Variants in ZC3H15 observed in about 807,000 individuals in gnomAD.
ZC3H15 encodes the protein zinc finger CCCH domain-containing protein 15.
A neutral mutation model predicts 51.2 loss-of-function variants in ZC3H15; 15 were observed. The observed-to-expected ratio is 0.29, with a 90% CI of 0.20 to 0.45. The LOEUF (loss-of-function observed/expected upper bound fraction) is 0.45. ZC3H15 is among the 20% of genes least tolerant of loss of function. The pLI is 1.00. For missense variants in ZC3H15, 381 were observed against 494.7 expected (o/e 0.77, Z 2.18); for synonymous variants, 144 against 162.8 (o/e 0.88, Z 0.88).
chr2:186,499,918 T>C (rs1472444520), intron 2 of ZC3H15, among the ~76,000 whole-genome samples: 1 of 152,226 alleles, frequency 6.6e-6, no homozygotes, highest in Non-Finnish European at 1.5e-5. Context: ...AACTATTTGC[T>C]AAAAATGCTG....
In ZC3H15 at chr2:186,495,304, A is replaced by G; in HGVS notation, c.147A>G (p.Gln49=). Residue 49 remains glutamine, a synonymous_variant, in exon 2 of 10, where the codon CAA becomes CAG. Transcript: ENST00000337859. ...AGTTTATCAAGGCTGTCACACATCA[A>G]GTTAAATTTGGTCAACAAAATCCAC... is the stretch of plus-strand genomic sequence containing the variant. ...QQKFIKAVTH[Q]VKFGQQNPRQ... The G allele has an allele frequency of 1.3e-6, 2 of 1,548,898 alleles. No homozygotes were observed. The highest frequency in any genetic ancestry group is 1.7e-6 in the Non-Finnish European group (2 of 1,152,548).
At chr2:186,495,703 A>T (rs375207339) in intron 2 of ZC3H15, among the ~76,000 whole-genome samples, 1 of 152,336 alleles carries the variant, frequency 6.6e-6, no homozygotes, top group East Asian at 1.9e-4. Context: ...ATTAGCTGGT[A>T]ACAGACTCCA....
intron 2 of ZC3H15, among the ~76,000 whole-genome samples, chr2:186,498,406 G>T (rs1685317964): frequency 6.6e-6 from 1 of 152,144 alleles, no homozygotes; most frequent in South Asian, 2.1e-4. Flanking sequence ...TATTCATCAT[G>T]AACTTGATTT....
Position 186,506,798 on chromosome 2 carries a change from G to A in ZC3H15, c.1052G>A (p.Ser351Asn). 1 of 1,613,596 alleles carries A rather than the reference G, an allele frequency of 6.2e-7. No homozygotes were observed. Among genetic ancestry groups the A allele is most frequent in the Non-Finnish European group, 8.5e-7 (1 of 1,179,820 alleles). The change falls in exon 9 of 10, where the codon AGT becomes AAT. Residue 351 changes from serine (S) to asparagine (N), a missense_variant. Ser to Asn is a conservative substitution (Grantham distance 46). Around this residue, in one of 3 missense-constraint regions of ZC3H15, gnomAD observed 215 missense variants for 241.8 expected, o/e 0.89. Transcript: ENST00000337859. ...DVDETGITVA[S>N]LERFSTYTSD... Reference sequence around the variant, plus strand: ...GATGAAACAGGTATTACTGTAGCCAGTCTTGAAAGATTCAGCACATATACT... The same window carrying A: ...GATGAAACAGGTATTACTGTAGCCAATCTTGAAAGATTCAGCACATATACT...
At position 186,486,473 on chromosome 2, in the gene ZC3H15, T is replaced by C; in HGVS notation, c.75+16T>C. 1 of 1,532,540 alleles carries C rather than the reference T, an allele frequency of 6.5e-7. No homozygotes were observed. The highest frequency in any genetic ancestry group is 8.8e-7 in the Non-Finnish European group (1 of 1,136,204). 94.9% of individuals were successfully genotyped at this position (1,532,540 alleles called of 1,614,324 possible). A position where few individuals can be genotyped will look rare whatever the true frequency, so the allele number is the denominator to read the frequency against. Reference sequence around the variant, plus strand: ...GATTATCGAAGTGAGTACCCACCCCTCCCCCACTCACGCCGCGAGCCCTCC... The same window carrying C: ...GATTATCGAAGTGAGTACCCACCCCCCCCCCACTCACGCCGCGAGCCCTCC... On this transcript the variant is annotated intron_variant, in intron 1 of 9. Coordinates refer to ENST00000337859, the MANE Select transcript of ZC3H15 (RefSeq NM_018471.3).
chr2:186,502,563 A>G lies in ZC3H15; in HGVS notation c.510A>G (p.Glu170=). Residue 170 remains glutamate (E), a synonymous_variant, in exon 5 of 10, where the codon GAA becomes GAG. Coordinates refer to ENST00000337859, the MANE Select transcript of ZC3H15 (RefSeq NM_018471.3). The part of the protein sequence containing the change: ...EVVNKKHGEA[E]KKKPKTQIVC... Reference sequence around the variant, plus strand: ...TGAACAAGAAGCACGGTGAGGCGGAAAAGAAAAAACCAAAAACTCAAATAG... The same window carrying G: ...TGAACAAGAAGCACGGTGAGGCGGAGAAGAAAAAACCAAAAACTCAAATAG... The G allele has an allele frequency of 6.2e-7, 1 of 1,612,430 alleles. No homozygotes were observed. The highest frequency in any genetic ancestry group is 2.2e-5 in the East Asian group (1 of 44,832).
At chr2:186,506,686 A>G in intron 8 of ZC3H15, 27 bp from the exon 9 acceptor site, 8 of 1,584,598 alleles carry the variant, frequency 5.0e-6, no homozygotes, top group Non-Finnish European at 4.3e-6. Flanking sequence ...TATTTGTAAC[A>G]ACTTTCTTTT....
In ZC3H15 at chr2:186,504,240, A is replaced by G. The variant is rs115861404; in HGVS notation, c.717+26A>G. The G allele has an allele frequency of 1.1e-3, 1,618 of 1,522,680 alleles. 19 individuals carry two copies. In the African/African-American group the frequency reaches 0.021, roughly 20 times the overall value. 94.3% of individuals were successfully genotyped at this position (1,522,680 alleles called of 1,614,324 possible). On this transcript the variant is annotated intron_variant, in intron 6 of 9. Transcript: ENST00000337859. ...GTAACTGGTATCCTTTTCCTACCAT[A>G]AAAACTGAAAGCAGTATTTATTGTG...
At chr2:186,502,866 T>C (rs1297646555) in intron 5 of ZC3H15, among the ~76,000 whole-genome samples, 2 of 152,148 alleles carry the variant, frequency 1.3e-5, no homozygotes, top group East Asian at 3.8e-4. Context: ...TAAACAAAAT[T>C]ACATATCCAG....
chr2:186,495,742 A>T (rs1202474299), intron 2 of ZC3H15, among the ~76,000 whole-genome samples: 1 of 152,250 alleles, frequency 6.6e-6, no homozygotes. Context: ...TCTAATTTTA[A>T]CATTATAAAT....
At chr2:186,504,332 A>C in intron 6 of ZC3H15, 118 bp downstream of exon 6, 1 of 900,514 alleles carries the variant, frequency 1.1e-6, no homozygotes, top group Non-Finnish European at 1.5e-6. Context: ...ATTGTGATCT[A>C]TTCCCAAAGT....
In ZC3H15 at chr2:186,504,112, C is replaced by T. The variant is rs992078242; in HGVS notation, c.615C>T (p.Cys205=). The T allele has an allele frequency of 2.5e-6, 4 of 1,608,912 alleles. No homozygotes were observed. The African/African-American group carries it at 5.4e-5, about 22-fold the overall frequency. ...TATGCCCTGGAGGGGGTGATATTTG[C>T]ATGTATCGTCATGCACTTCCTCCTG... ...FWVCPGGGDI[C]MYRHALPPGF... Residue 205 remains cysteine (C), a synonymous_variant, in exon 6 of 10, where the codon TGC becomes TGT. Coordinates refer to ENST00000337859, the MANE Select transcript of ZC3H15 (RefSeq NM_018471.3).
At chr2:186,494,350 A>T (rs1343785106) in intron 1 of ZC3H15, among the ~76,000 whole-genome samples, 1 of 152,296 alleles carries the variant, frequency 6.6e-6, no homozygotes, top group East Asian at 1.9e-4. Context: ...TTTTGAGAGG[A>T]TAACATTTAT....
chr2:186,504,411 A>G (rs1015104884), intron 6 of ZC3H15, among the ~76,000 whole-genome samples, 197 bp downstream of exon 6: 1 of 152,192 alleles, frequency 6.6e-6, no homozygotes, highest in African/African-American at 2.4e-5. Context: ...CAATCATGAC[A>G]TTAATTTTAG....
chr2:186,490,485 A>C (rs952986068), intron 1 of ZC3H15, among the ~76,000 whole-genome samples: 13 of 152,226 alleles, frequency 8.5e-5, no homozygotes, highest in African/African-American at 2.7e-4. Context: ...AGCCAAAATC[A>C]AATGTTGATT....
At position 186,486,260 on chromosome 2, in the gene ZC3H15, G is replaced by T; in HGVS notation, c.-123G>T. ...GGCCGCGTTTGCGGGGCCAATGAGC[G>T]ACTCGCTTTCCGTGCGGTGCGGCGA... On this transcript the variant is annotated 5_prime_UTR_variant, in exon 1 of 10. Coordinates refer to ENST00000337859, the MANE Select transcript of ZC3H15 (RefSeq NM_018471.3). 1 of 1,150,652 alleles carries T rather than the reference G, an allele frequency of 8.7e-7. No homozygotes were observed. The highest frequency in any genetic ancestry group is 1.2e-6 in the Non-Finnish European group (1 of 851,198). 71.3% of individuals were successfully genotyped at this position (1,150,652 alleles called of 1,614,324 possible).
At chr2:186,497,151 T>TA (rs1451128970) in intron 2 of ZC3H15, 1 of 442,586 alleles carries the variant, frequency 2.3e-6, no homozygotes, top group Non-Finnish European at 4.5e-6. Context: ...CCACCATTTT[T>TA]ATCTCCTTTT....
intron 2 of ZC3H15, among the ~76,000 whole-genome samples, chr2:186,499,464 T>C (rs919541989): frequency 2.0e-5 from 3 of 152,230 alleles, no homozygotes; most frequent in Non-Finnish European, 4.4e-5. Context: ...GGTTATTGGC[T>C]CAATTTAGTT....
chr2:186,496,637 C>T (rs575152312), intron 2 of ZC3H15, among the ~76,000 whole-genome samples: 11 of 152,222 alleles, frequency 7.2e-5, no homozygotes, highest in African/African-American at 2.4e-4. Context: ...TGTCGTTAGG[C>T]GATTTAGTCA....
Sources: allele counts gnomAD v4.1 joint callset (sites outside exome capture counted in the v4.1 genomes callset), GRCh38; gene constraint gnomAD v4.1.1; regional missense constraint gnomAD v4.1.1; transcripts MANE v1.5; gene names NCBI Gene and HGNC (gene_info 2026-07-23, HGNC 2026-07-21).